ESYT2: variants seen among roughly 807,000 people sequenced by gnomAD.
The protein encoded by ESYT2 is extended synaptotagmin-2.
In ESYT2, 54 loss-of-function variants were observed where a neutral mutation model predicts 107.2. The observed-to-expected ratio is 0.50, with a 90% confidence interval of 0.40 to 0.63. ESYT2 has a LOEUF of 0.63. ESYT2 is among the 30% of genes least tolerant of loss of function. The probability of loss-of-function intolerance (pLI) is 0.00; values close to 1 mark genes in which losing one functional copy is unlikely to be tolerated. For missense variants in ESYT2, 1,020 were observed against 1,094.5 expected, an observed-to-expected ratio of 0.93 and a Z score of 0.96; for synonymous variants, 491 against 434.1, an observed-to-expected ratio of 1.13 and a Z score of -1.63.
At chr7:158,746,584 T>C (rs970101028) in intron 16 of ESYT2, among the ~76,000 whole-genome samples, 28 of 150,434 alleles carry the variant, frequency 1.9e-4, no homozygotes, top group African/African-American at 2.7e-4. Flanking sequence ...GACAGACATA[T>C]AGAACAATGG....
At chr7:158,800,045 G>A (rs1192441802) in intron 1 of ESYT2, among the ~76,000 whole-genome samples, 1 of 131,260 alleles carries the variant, frequency 7.6e-6, no homozygotes, top group East Asian at 2.4e-4. Flanking sequence ...AAGACTATGT[G>A]GCCTCTTAAT....
At chr7:158,742,399 G>A (rs544190818) in intron 17 of ESYT2, among the ~76,000 whole-genome samples, 4 of 152,152 alleles carry the variant, frequency 2.6e-5, no homozygotes, top group Admixed American at 6.5e-5. Context: ...ACACTTCTGC[G>A]TATTCCTCTA....
At chr7:158,749,473 G>A (rs1837515795) in intron 15 of ESYT2, among the ~76,000 whole-genome samples, 176 bp downstream of exon 15, 1 of 152,118 alleles carries the variant, frequency 6.6e-6, no homozygotes, top group Non-Finnish European at 1.5e-5. Flanking sequence ...CAAGTAGCTG[G>A]TTATCTATAT....
intron 1 of ESYT2, among the ~76,000 whole-genome samples, chr7:158,804,352 GTGA>G (rs1187498466): frequency 1.8e-4 from 26 of 145,370 alleles, no homozygotes; most frequent in Non-Finnish European, 2.5e-4. Context: ...GGTGAGGCGC[GTGA>G]CAAACCCAAA....
intron 6 of ESYT2, among the ~76,000 whole-genome samples, chr7:158,773,697 A>C (rs1420073229): frequency 1.3e-5 from 2 of 152,372 alleles, no homozygotes; most frequent in East Asian, 3.9e-4. Flanking sequence ...AATTACAAAT[A>C]ATGAGTCAGG....
At chr7:158,821,005 G>A (rs902794511) in intron 1 of ESYT2, among the ~76,000 whole-genome samples, 2 of 152,124 alleles carry the variant, frequency 1.3e-5, no homozygotes, top group African/African-American at 4.8e-5. Flanking sequence ...CATTTTTAAT[G>A]CTTACATATA....
intron 7 of ESYT2, among the ~76,000 whole-genome samples, chr7:158,770,184 T>C (rs1447099266): frequency 6.6e-6 from 1 of 151,712 alleles, no homozygotes; most frequent in Non-Finnish European, 1.5e-5. Context: ...AGCCACCGCG[T>C]TCAGCCTCAT....
chr7:158,735,737 T>C (rs564499794), intron 20 of ESYT2, 129 bp from the exon 21 acceptor site: 327 of 803,838 alleles, frequency 4.1e-4, no homozygotes, highest in Non-Finnish European at 5.8e-4. Context: ...AACTGAGTTC[T>C]TCTACCTAAT....
In ESYT2 at chr7:158,814,338, T is replaced by A. The variant is rs1484061988; in HGVS notation, c.330+14751A>T. On this transcript the variant is annotated intron_variant, in intron 1 of 22. Transcript: ENST00000275418. Reference sequence around the variant, plus strand: ...ATATATATATATATATATATATATATATATATATGAAATAATATACCTTAC... The same window carrying A: ...ATATATATATATATATATATATATAAATATATATGAAATAATATACCTTAC... Among the ~76,000 whole-genome samples, 24 of 3,446 alleles carry A rather than the reference T, an allele frequency of 7.0e-3. 1 individual carries two copies. Among genetic ancestry groups the A allele is most frequent in the African/African-American group, 0.011 (14 of 1,270 alleles). The allele number at this position is 3,446 out of a possible 152,430, so 2.3% of individuals were successfully genotyped here.
intron 18 of ESYT2, among the ~76,000 whole-genome samples, chr7:158,740,465 T>C (rs1837151587): frequency 1.3e-5 from 2 of 152,232 alleles, no homozygotes; most frequent in South Asian, 4.1e-4. Flanking sequence ...GTTTCTAGCC[T>C]GTCCTACCCG....
intron 1 of ESYT2, among the ~76,000 whole-genome samples, chr7:158,819,142 A>G (rs571762032): frequency 9.8e-5 from 15 of 152,374 alleles, no homozygotes; most frequent in African/African-American, 3.6e-4. Context: ...TATGGAGGGA[A>G]TGCTTTCTTC....
At chr7:158,826,138 CGCA>C (rs1411635289) in intron 1 of ESYT2, among the ~76,000 whole-genome samples, 1 of 152,102 alleles carries the variant, frequency 6.6e-6, no homozygotes, top group Non-Finnish European at 1.5e-5. Context: ...ACCCCTGCCG[CGCA>C]GCAGAATTTC....
intron 13 of ESYT2, among the ~76,000 whole-genome samples, chr7:158,753,706 T>C (rs967383920): frequency 6.9e-6 from 1 of 144,938 alleles, no homozygotes; most frequent in African/African-American, 2.6e-5. Context: ...GGAGAGAAGA[T>C]GGAACATGCG....
intron 6 of ESYT2, among the ~76,000 whole-genome samples, chr7:158,776,067 T>C (rs1201939732): frequency 6.6e-6 from 1 of 152,230 alleles, no homozygotes; most frequent in African/African-American, 2.4e-5. Flanking sequence ...CAGTTATATT[T>C]TGAGGGACTC....
At position 158,739,017 on chromosome 7, in the gene ESYT2, C is replaced by A. The variant is rs374397490; in HGVS notation, c.2267+6G>T. The A allele has an allele frequency of 4.3e-6, 7 of 1,613,454 alleles. No individual in the cohort carries two copies. In the African/African-American group the frequency reaches 9.3e-5, roughly 22 times the overall value. On this transcript the variant is annotated splice_donor_region_variant and intron_variant, in intron 19 of 22. Coordinates refer to ENST00000275418, the MANE Select transcript of ESYT2 (RefSeq NM_001367773.1). ...AGCAGCGGGCGCGTGGGACCCCAGC[C>A]CCCACCTGCAGGCATGCACGACCAC...
intron 1 of ESYT2, 88 bp downstream of exon 1, chr7:158,829,001 C>G: frequency 1.3e-6 from 2 of 1,506,420 alleles, no homozygotes; most frequent in South Asian, 2.5e-5. Context: ...ACCCAGGCGG[C>G]AGGTCGCGGG....
At chr7:158,773,209 A>G in intron 7 of ESYT2, 132 bp downstream of exon 7, 2 of 978,902 alleles carry the variant, frequency 2.0e-6, no homozygotes, top group Non-Finnish European at 3.3e-6. Context: ...GTTTCTCACG[A>G]CAGCCTGTGG....
chr7:158,771,734 C>T (rs2129472509), intron 7 of ESYT2, among the ~76,000 whole-genome samples: 1 of 152,360 alleles, frequency 6.6e-6, no homozygotes, highest in Admixed American at 6.5e-5. Flanking sequence ...GAAACAAGCA[C>T]AGCTGTGTCC....
chr7:158,757,754 G>GT (rs67853250), intron 13 of ESYT2, among the ~76,000 whole-genome samples: 17,805 of 76,122 alleles, frequency 0.23, 1,136 homozygotes, highest in Non-Finnish European at 0.27. Flanking sequence ...GTCTCTCTGG[G>GT]TTTTTTTTTT....
Sources: allele counts gnomAD v4.1 joint callset (sites outside exome capture counted in the v4.1 genomes callset), GRCh38; gene constraint gnomAD v4.1.1; transcripts MANE v1.5; gene names NCBI Gene and HGNC (gene_info 2026-07-23, HGNC 2026-07-21).